The following STAB2 variants were observed in gnomAD, a reference collection of about 807,000 sequenced individuals.
STAB2 encodes the protein stabilin-2.
In STAB2, 288 loss-of-function variants were observed where a neutral mutation model predicts 338.1. The observed-to-expected ratio is 0.85, with a 90% CI of 0.77 to 0.94. STAB2 has a LOEUF of 0.94. Ranked by LOEUF, STAB2 falls within the 40% of genes least tolerant of loss-of-function variation. STAB2 has a pLI of 0.00. For missense variants in STAB2, 3,141 were observed against 3,210.1 expected, an observed-to-expected ratio of 0.98 and a Z score of 0.52; for synonymous variants, 1,202 against 1,193.3, an observed-to-expected ratio of 1.01 and a Z score of -0.15.
chr12:103,718,325 A>T (rs1880493723), intron 44 of STAB2, among the ~76,000 whole-genome samples: 1 of 151,692 alleles, frequency 6.6e-6, no homozygotes, highest in South Asian at 2.1e-4. Context: ...AAGGAAGATG[A>T]TTCTACTCTC....
Position 103,640,179 on chromosome 12 carries a change from T to C in STAB2, c.963T>C (p.Ser321=). ...ATTTCGTACCTGGAGTGGGGTGCAG[T>C]ATGACTGATATATGTAAATCAGATA... ...YQNFVPGVGC[S]MTDICKSDNP... is the part of the protein sequence containing the mutation. Residue 321 remains serine, a synonymous_variant, in exon 9 of 69, where the codon AGT becomes AGC. Transcript: ENST00000388887. 1 of 1,613,890 alleles carries C rather than the reference T, an allele frequency of 6.2e-7. No homozygotes were observed. Among genetic ancestry groups the C allele is most frequent in the South Asian group, 1.1e-5 (1 of 91,040 alleles).
intron 50 of STAB2, among the ~76,000 whole-genome samples, 156 bp from the exon 51 acceptor site, chr12:103,732,850 G>T (rs1484602828): frequency 6.6e-6 from 1 of 152,080 alleles, no homozygotes; most frequent in African/African-American, 2.4e-5. Flanking sequence ...GGGGTGTGAT[G>T]GGCTTCTAGT....
rs377425799 is a variant in STAB2 at position 103,715,915 on chromosome 12, A to T, written c.4611+27A>T. 3.1e-6 allele frequency: 5 copies of T among 1,612,974 alleles called. No individual in the cohort carries two copies. The African/African-American group carries it at 6.7e-5, about 22-fold the overall frequency. The stretch of plus-strand genomic sequence containing the variant: ...TGAGTGCCACCTCTCCCAGGCCCTT[A>T]GGTTTCCTAAAAGGGAACTCCTAGG... On this transcript the variant is annotated intron_variant, in intron 43 of 68. Coordinates refer to ENST00000388887, the MANE Select transcript of STAB2 (RefSeq NM_017564.10).
chr12:103,670,040 A>C (rs1216834026), intron 21 of STAB2, among the ~76,000 whole-genome samples: 1 of 152,210 alleles, frequency 6.6e-6, no homozygotes, highest in African/African-American at 2.4e-5. Context: ...GAAATGTAAC[A>C]GCCGAAACTT....
chr12:103,698,495 G>C (rs1330738907), intron 33 of STAB2, among the ~76,000 whole-genome samples: 1 of 151,110 alleles, frequency 6.6e-6, no homozygotes, highest in Non-Finnish European at 1.5e-5. Flanking sequence ...CGGGGAGCCT[G>C]CCCATCCAGG....
intron 2 of STAB2, among the ~76,000 whole-genome samples, chr12:103,593,891 T>C (rs183267705): frequency 1.6e-4 from 24 of 152,346 alleles, no homozygotes; most frequent in Admixed American, 1.4e-3. Flanking sequence ...CATCATTTTA[T>C]CTCCTACAAG....
chr12:103,746,810 C>T, intron 58 of STAB2, 106 bp downstream of exon 58: 1 of 1,077,608 alleles, frequency 9.3e-7, no homozygotes, highest in Non-Finnish European at 1.4e-6. Context: ...CTGTCTGGGC[C>T]ACTTCAGCAG....
chr12:103,680,407 T>A (rs1276944247), intron 25 of STAB2, among the ~76,000 whole-genome samples: 1 of 152,220 alleles, frequency 6.6e-6, no homozygotes, highest in Non-Finnish European at 1.5e-5. Flanking sequence ...TGGTACAACA[T>A]GATTCAGGGC....
At chr12:103,726,048 C>A (rs2139058501) in intron 45 of STAB2, 68 bp from the exon 46 acceptor site, 1 of 1,561,166 alleles carries the variant, frequency 6.4e-7, no homozygotes, top group South Asian at 1.1e-5. Flanking sequence ...GAAATCATCC[C>A]ATGACAACCC....
At position 103,616,780 on chromosome 12, in the gene STAB2, A is replaced by G. The variant is rs556739364; in HGVS notation, c.332-3688A>G. Among the ~76,000 whole-genome samples the G allele has an allele frequency of 2.2e-4, 33 of 152,330 alleles. 1 individual carries two copies. In the South Asian group the frequency reaches 6.0e-3, roughly 28 times the overall value. On this transcript the variant is annotated intron_variant, in intron 3 of 68. Coordinates refer to ENST00000388887, the MANE Select transcript of STAB2 (RefSeq NM_017564.10). ...GGCTGGCCCTGGCTCCCAAAACACC[A>G]TCTCAGCTCAAGAGGGGCCTCCTAT...
chr12:103,746,379 G>T (rs1593319987), intron 57 of STAB2: 1 of 437,724 alleles, frequency 2.3e-6, no homozygotes, highest in Non-Finnish European at 4.2e-6. Flanking sequence ...AAATCTCAAT[G>T]ACATTGCAGA....
intron 5 of STAB2, among the ~76,000 whole-genome samples, chr12:103,629,587 C>T (rs1197078952): frequency 1.3e-5 from 2 of 152,164 alleles, no homozygotes; most frequent in Non-Finnish European, 2.9e-5. Context: ...GGGGCTTTGG[C>T]TGGCCTTGAA....
In STAB2 at chr12:103,735,685, T is replaced by C. The variant is rs571969750; in HGVS notation, c.5550+105T>C. On this transcript the variant is annotated intron_variant, in intron 52 of 68. Transcript: ENST00000388887. Reference sequence around the variant, plus strand: ...GGAGATGTTCATTTTTTCCCCTCCATTCATAGCGGGCTCATTTTTTTTCTC... The same window carrying C: ...GGAGATGTTCATTTTTTCCCCTCCACTCATAGCGGGCTCATTTTTTTTCTC... 5.2e-6 allele frequency: 5 copies of C among 966,088 alleles called. No homozygotes were observed. In the South Asian group the frequency reaches 5.6e-5, roughly 11 times the overall value. The allele number at this position is 966,088 out of a possible 1,614,324, so 59.8% of individuals were successfully genotyped here. A position where few individuals can be genotyped will look rare whatever the true frequency, so the allele number is the denominator to read the frequency against.
chr12:103,688,221 T>A lies in STAB2; in HGVS notation c.3045+6T>A, dbSNP rs1877608091. On this transcript the variant is annotated splice_donor_region_variant and intron_variant, in intron 28 of 68. Transcript: ENST00000388887. ...TATTTAACCGATGGATAAATGTGAG[T>A]ACCTTTATTGGGACTTAGGATTGGG... 1.2e-6 allele frequency: 2 copies of A among 1,612,630 alleles called. No individual in the cohort carries two copies. Among genetic ancestry groups the A allele is most frequent in the Non-Finnish European group, 1.7e-6 (2 of 1,178,734 alleles).
At position 103,762,351 on chromosome 12, in the gene STAB2, T is replaced by C; in HGVS notation, c.7437T>C (p.Ala2479=). ...TGACTGGGGCTGTTGCCTTGGCTGC[T>C]TACTCCTACTTTCGGATAAACCGGA... ...ILVTGAVALA[A]YSYFRINRRT... The change falls in exon 67 of 69, where the codon GCT becomes GCC. Residue 2479 remains alanine (A), a synonymous_variant. Coordinates refer to ENST00000388887, the MANE Select transcript of STAB2 (RefSeq NM_017564.10). The C allele has an allele frequency of 6.2e-7, 1 of 1,614,246 alleles. No individual in the cohort carries two copies. The highest frequency in any genetic ancestry group is 8.5e-7 in the Non-Finnish European group (1 of 1,180,052).
At position 103,663,506 on chromosome 12, in the gene STAB2, AT is replaced by A. The variant is rs35198185; in HGVS notation, c.2022+517del. 4.0e-5 allele frequency among the ~76,000 whole-genome samples: 6 copies of A among 151,304 alleles called. 1 individual carries two copies. The highest frequency in any genetic ancestry group is 3.3e-4 in the Admixed American group (5 of 15,194). On this transcript the variant is annotated intron_variant, in intron 18 of 68. Transcript: ENST00000388887. ...AGGTGCACACCACCACACCTGGCTA[AT>A]TTTTTTTTCTAGTTTTTTATTGTAG...
intron 3 of STAB2, among the ~76,000 whole-genome samples, chr12:103,603,765 A>T (rs185821475): frequency 7.5e-4 from 115 of 152,348 alleles, no homozygotes; most frequent in African/African-American, 2.6e-3. Context: ...TCCTCCTAAG[A>T]TTTTAATTCG....
intron 1 of STAB2, among the ~76,000 whole-genome samples, chr12:103,587,827 G>T (rs1017772061): frequency 1.3e-5 from 2 of 152,148 alleles, no homozygotes; most frequent in Non-Finnish European, 2.9e-5. Flanking sequence ...GCAGCTGTTG[G>T]CGTCTTGTTT....
chr12:103,656,063 A>G (rs753325849), intron 15 of STAB2, among the ~76,000 whole-genome samples: 24 of 152,284 alleles, frequency 1.6e-4, no homozygotes, highest in Middle Eastern at 3.4e-3. Flanking sequence ...TTTCTCCACC[A>G]TGGGCTTTCA....
Sources: allele counts gnomAD v4.1 joint callset (sites outside exome capture counted in the v4.1 genomes callset), GRCh38; gene constraint gnomAD v4.1.1; transcripts MANE v1.5; gene names NCBI Gene and HGNC (gene_info 2026-07-23, HGNC 2026-07-21).